HDAC9: variants seen among roughly 807,000 people sequenced by gnomAD.
The protein encoded by HDAC9 is MEF-2 interacting transcription repressor (MITR) protein.
A neutral mutation model predicts 139.4 loss-of-function variants in HDAC9; 41 were observed. That is an observed-to-expected ratio of 0.29 (90% CI 0.23 to 0.38). HDAC9 has a LOEUF of 0.38. HDAC9 is among the 10% of genes least tolerant of loss of function. The pLI, the probability that HDAC9 is intolerant of heterozygous loss-of-function variation, is 1.00. For missense variants in HDAC9, 1,147 were observed against 1,297.0 expected (o/e 0.88, Z 1.78); for synonymous variants, 517 against 476.2 (o/e 1.09, Z -1.12).
chr7:18,480,074 G>A (rs1795433151), intron 1 of HDAC9, among the ~76,000 whole-genome samples: 2 of 142,580 alleles, frequency 1.4e-5, no homozygotes, highest in South Asian at 4.4e-4. Context: ...TGCTGCCAAC[G>A]AACTTTTTAG....
At chr7:18,396,354 C>T (rs1002678841) in intron 1 of HDAC9, among the ~76,000 whole-genome samples, 11 of 152,114 alleles carry the variant, frequency 7.2e-5, no homozygotes, top group Admixed American at 2.0e-4. Context: ...AAAAGAACTA[C>T]GCAGGTATTG....
intron 2 of HDAC9, among the ~76,000 whole-genome samples, chr7:18,573,195 T>C (rs1824872991): frequency 6.6e-6 from 1 of 152,216 alleles, no homozygotes; most frequent in East Asian, 1.9e-4. Context: ...ACTAAAGACA[T>C]GGATAACTTG....
At chr7:18,151,291 A>G (rs571743574) in intron 1 of HDAC9, among the ~76,000 whole-genome samples, 5 of 152,260 alleles carry the variant, frequency 3.3e-5, no homozygotes, top group African/African-American at 1.2e-4. Flanking sequence ...GTAATTATAT[A>G]CTTAGTAATT....
At chr7:18,916,329 A>G (rs962601578) in intron 22 of HDAC9, among the ~76,000 whole-genome samples, 6 of 152,056 alleles carry the variant, frequency 3.9e-5, no homozygotes, top group African/African-American at 1.4e-4. Flanking sequence ...CATAAATGCA[A>G]GGGGACTTTG....
chr7:18,615,323 A>G (rs1838272048), intron 6 of HDAC9, among the ~76,000 whole-genome samples: 1 of 152,156 alleles, frequency 6.6e-6, no homozygotes, highest in Admixed American at 6.6e-5. Context: ...CCTATCACAG[A>G]GTTGGTATTT....
At chr7:18,817,365 A>G (rs2129195980) in intron 17 of HDAC9, among the ~76,000 whole-genome samples, 1 of 152,272 alleles carries the variant, frequency 6.6e-6, no homozygotes, top group South Asian at 2.1e-4. Flanking sequence ...AAGGCCTGTT[A>G]CAACAAATAT....
intron 1 of HDAC9, among the ~76,000 whole-genome samples, chr7:18,352,898 A>G (rs1029954328): frequency 1.3e-5 from 2 of 152,118 alleles, no homozygotes; most frequent in East Asian, 3.9e-4. Context: ...CAGCCTCACC[A>G]TATAGGGTGT....
At chr7:18,214,517 T>G (rs1208649378) in intron 2 of HDAC9, among the ~76,000 whole-genome samples, 1 of 152,138 alleles carries the variant, frequency 6.6e-6, no homozygotes, top group African/African-American at 2.4e-5. Flanking sequence ...GCTTTAAAAA[T>G]AATTCATACT....
At chr7:18,114,821 A>T (rs1262717260) in intron 1 of HDAC9, among the ~76,000 whole-genome samples, 1 of 152,190 alleles carries the variant, frequency 6.6e-6, no homozygotes, top group Non-Finnish European at 1.5e-5. Flanking sequence ...AGCTGCATAC[A>T]TTGCTGGGTG....
chr7:18,830,205 T>A (rs1298255835), intron 19 of HDAC9, among the ~76,000 whole-genome samples: 1 of 152,184 alleles, frequency 6.6e-6, no homozygotes, highest in Non-Finnish European at 1.5e-5. Flanking sequence ...TCATGAATAA[T>A]GAGCTGGAGA....
chr7:18,937,472 G>T (rs1781726433), intron 23 of HDAC9, among the ~76,000 whole-genome samples: 1 of 152,164 alleles, frequency 6.6e-6, no homozygotes, highest in African/African-American at 2.4e-5. Context: ...GTGTCTTTCT[G>T]TGATCCCTGT....
At chr7:18,946,713 T>A (rs996385923) in intron 23 of HDAC9, among the ~76,000 whole-genome samples, 17 of 152,018 alleles carry the variant, frequency 1.1e-4, no homozygotes, top group African/African-American at 4.1e-4. Flanking sequence ...ACAATCATCA[T>A]AACAAATTTT....
At chr7:18,653,674 G>A (rs1408832578) in intron 11 of HDAC9, among the ~76,000 whole-genome samples, 1 of 152,120 alleles carries the variant, frequency 6.6e-6, no homozygotes, top group Non-Finnish European at 1.5e-5. Flanking sequence ...CAGATGTACT[G>A]TGTTGCCCTT....
exon 1 of HDAC9, chr7:18,086,989 C>G (rs1390176578): frequency 4.0e-5 from 6 of 150,274 alleles, no homozygotes; most frequent in African/African-American, 1.5e-4. Context: ...CCGCCGCTCT[C>G]GCCGCTTTCG....
intron 24 of HDAC9, among the ~76,000 whole-genome samples, chr7:18,971,765 C>A (rs942117777): frequency 6.6e-6 from 1 of 152,206 alleles, no homozygotes; most frequent in African/African-American, 2.4e-5. Flanking sequence ...GAAACTCATA[C>A]ATGTGGATAA....
At chr7:18,107,006 T>A (rs1783260614) in intron 1 of HDAC9, among the ~76,000 whole-genome samples, 1 of 152,198 alleles carries the variant, frequency 6.6e-6, no homozygotes, top group South Asian at 2.1e-4. Flanking sequence ...AAAGAAGCTT[T>A]TTTGAGTGTG....
At chr7:18,712,915 G>C (rs1192034154) in intron 12 of HDAC9, among the ~76,000 whole-genome samples, 1 of 152,114 alleles carries the variant, frequency 6.6e-6, no homozygotes. Flanking sequence ...GATTTACTTT[G>C]TTTCTATTGA....
rs1478912866 is a variant in HDAC9, at chr7:18,732,928, T to C, written c.1909+5171T>C. Among the ~76,000 whole-genome samples, 3 of 122,914 alleles carry C rather than the reference T, an allele frequency of 2.4e-5. 1 individual carries two copies. Among genetic ancestry groups the C allele is most frequent in the African/African-American group, 1.1e-4 (3 of 27,848 alleles). 80.6% of individuals were successfully genotyped at this position (122,914 alleles called of 152,430 possible). On this transcript the variant is annotated intron_variant, in intron 13 of 25. Coordinates refer to ENST00000686413, the MANE Select transcript of HDAC9 (RefSeq NM_178425.4). ...GTGTGCGTATGTGTATACACACGTG[T>C]GTATGTATGTGTATACACACGTGTA... is the stretch of plus-strand genomic sequence containing the variant.
At chr7:18,984,313 T>C (rs753859913) in intron 25 of HDAC9, among the ~76,000 whole-genome samples, 1 of 152,146 alleles carries the variant, frequency 6.6e-6, no homozygotes, top group Non-Finnish European at 1.5e-5. Context: ...GAAAGGACTC[T>C]CGGGGCAGTT....
Sources: allele counts gnomAD v4.1 joint callset (sites outside exome capture counted in the v4.1 genomes callset), GRCh38; gene constraint gnomAD v4.1.1; transcripts MANE v1.5; gene names NCBI Gene and HGNC (gene_info 2026-07-23, HGNC 2026-07-21).